The following SPATA3 variants were observed in gnomAD, a reference collection of about 807,000 sequenced individuals.
SPATA3 encodes the protein spermatogenesis-associated protein 3.
In SPATA3, 6 loss-of-function variants were observed where a neutral mutation model predicts 5.7. The observed-to-expected ratio is 1.06, with a 90% CI of 0.58 to 2.09. SPATA3 has a LOEUF of 2.09. SPATA3 is among the 30% of genes most tolerant of loss of function. The pLI is 0.00. For synonymous variants in SPATA3, 44 were observed against 48.4 expected, an observed-to-expected ratio of 0.91 and a Z score of 0.37; for missense variants, 155 against 130.4, an observed-to-expected ratio of 1.19 and a Z score of -0.92.
downstream of SPATA3, chr2:231,004,112 C>G (rs1692452286): frequency 6.6e-6 from 1 of 152,176 alleles, no homozygotes; most frequent in South Asian, 2.1e-4. Flanking sequence ...AAAGCCAAGT[C>G]CAGAAGGTAA....
At chr2:231,001,333 A>G (rs914339181) in intron 2 of SPATA3, among the ~76,000 whole-genome samples, 4 of 151,986 alleles carry the variant, frequency 2.6e-5, no homozygotes, top group African/African-American at 9.7e-5. Flanking sequence ...GGCCTCACAG[A>G]TCTCAATGGA....
intron 1 of SPATA3, 72 bp from the exon 2 acceptor site, chr2:231,000,292 CTG>C: frequency 7.5e-7 from 1 of 1,324,852 alleles, no homozygotes; most frequent in Non-Finnish European, 9.9e-7. Context: ...CCTTCTCAGA[CTG>C]TGTTCCAGAC....
At chr2:231,005,475 TCACCAC>T (rs1229154307), downstream of SPATA3, among the ~76,000 whole-genome samples, 1 of 15,670 alleles carries the variant, frequency 6.4e-5, no homozygotes, top group African/African-American at 2.5e-4. Context: ...ACCACCATCA[TCACCAC>T]CACCACCATC....
In SPATA3 at chr2:231,000,553, G is replaced by A; in HGVS notation, c.962+16G>A. On this transcript the variant is annotated intron_variant, in intron 2 of 2. Transcript: ENST00000645363. ...CCTTCTACAGGTTCCAAGCGCGAGGGGCTGGAGCCTCGGGGCACACAGTCC... is the reference window on the plus strand; with the variant it reads ...CCTTCTACAGGTTCCAAGCGCGAGGAGCTGGAGCCTCGGGGCACACAGTCC... 6.7e-7 allele frequency: 1 copy of A among 1,497,348 alleles called. No individual in the cohort carries two copies. Among genetic ancestry groups the A allele is most frequent in the East Asian group, 2.5e-5 (1 of 39,440 alleles). 92.8% of individuals were successfully genotyped at this position (1,497,348 alleles called of 1,614,324 possible). A position where few individuals can be genotyped will look rare whatever the true frequency, so the allele number is the denominator to read the frequency against.
chr2:231,000,380 G>T, exon 2 of SPATA3: 1 of 1,515,204 alleles, frequency 6.6e-7, no homozygotes, highest in Non-Finnish European at 8.9e-7. Flanking sequence ...TCTGATTCGC[G>T]CCGGCCCGCA....
rs913525450 is a variant in SPATA3 at position 230,996,161 on chromosome 2, C to T, written c.791-4205C>T. ...CCAGGCTCCTAGGGCAGAGGGCAAA[C>T]GGCCCCTCCAGGAGGGAGCCGGGAG... On this transcript the variant is annotated intron_variant, in intron 1 of 2. It adds an upstream start codon to the 5' untranslated region. Transcript: ENST00000645363. 7 of 1,450,984 alleles carry T rather than the reference C, an allele frequency of 4.8e-6. No individual in the cohort carries two copies. Among genetic ancestry groups the T allele is most frequent in the African/African-American group, 2.8e-5 (2 of 70,386 alleles). The allele number at this position is 1,450,984 out of a possible 1,614,324, so 89.9% of individuals were successfully genotyped here.
At position 230,998,255 on chromosome 2, in the gene SPATA3, G is replaced by A. The variant is rs1013391022; in HGVS notation, c.791-2111G>A. 2.0e-5 allele frequency among the ~76,000 whole-genome samples: 3 copies of A among 152,344 alleles called. No homozygotes were observed. The South Asian group carries it at 6.2e-4, about 32-fold the overall frequency. ...GAGTGCTAAATATAAGGCATGCCAT[G>A]CCAATGATCCTTCCATGGCCAGGAA... On this transcript the variant is annotated intron_variant, in intron 1 of 2. Transcript: ENST00000645363.
At chr2:230,998,525 G>A (rs147437545) in intron 1 of SPATA3, among the ~76,000 whole-genome samples, 374 of 152,300 alleles carry the variant, frequency 2.5e-3, no homozygotes, top group African/African-American at 8.0e-3. Flanking sequence ...GTGGTGGCTC[G>A]CCAGTGGTTA....
intron 2 of SPATA3, among the ~76,000 whole-genome samples, chr2:231,000,792 T>C (rs1490116606): frequency 6.6e-6 from 1 of 152,124 alleles, no homozygotes; most frequent in African/African-American, 2.4e-5. Context: ...GGATTCCTCC[T>C]CAGGGGCTTC....
At chr2:231,014,439 A>G (rs1692876133) in intron 6 of SPATA3, among the ~76,000 whole-genome samples, 1 of 152,172 alleles carries the variant, frequency 6.6e-6, no homozygotes, top group Admixed American at 6.5e-5. Context: ...AAACTGTTTT[A>G]TCTTTGCTAT....
rs777890968 is a variant in SPATA3 at position 231,000,563 on chromosome 2, T to A, written c.962+26T>A. Reference sequence around the variant, plus strand: ...GTTCCAAGCGCGAGGGGCTGGAGCCTCGGGGCACACAGTCCCCAGGGCCAG... The same window carrying A: ...GTTCCAAGCGCGAGGGGCTGGAGCCACGGGGCACACAGTCCCCAGGGCCAG... On this transcript the variant is annotated intron_variant, in intron 2 of 2. Coordinates refer to ENST00000645363, the Ensembl canonical transcript of SPATA3. 1.0e-5 allele frequency: 15 copies of A among 1,475,162 alleles called. No individual in the cohort carries two copies. In the African/African-American group the frequency reaches 1.4e-4, roughly 14 times the overall value. The allele number at this position is 1,475,162 out of a possible 1,614,324, so 91.4% of individuals were successfully genotyped here.
chr2:231,001,534 G>C (rs1248710360), intron 2 of SPATA3, among the ~76,000 whole-genome samples: 1 of 152,094 alleles, frequency 6.6e-6, no homozygotes, highest in Non-Finnish European at 1.5e-5. Flanking sequence ...GGGAGAACAC[G>C]CTTGGAGCCA....
At chr2:231,012,637 T>C (rs1344419394) in exon 5 of SPATA3, 1 of 152,178 alleles carries the variant, frequency 6.6e-6, no homozygotes, top group Non-Finnish European at 1.5e-5. Context: ...AGGTATTATG[T>C]ACAGAAGATT....
downstream of SPATA3, among the ~76,000 whole-genome samples, chr2:231,005,349 C>CCACCATCACCACCACCAT (rs1692555345): frequency 1.3e-5 from 1 of 78,000 alleles, no homozygotes; most frequent in Non-Finnish European, 2.6e-5. Context: ...ACCATCATCA[C>CCACCATCACCACCACCAT]CATCACCACC....
Position 231,002,602 on chromosome 2 carries a change from A to G in SPATA3, c.963-82A>G, listed in dbSNP as rs141221885. 332 of 806,344 alleles carry G rather than the reference A, an allele frequency of 4.1e-4. 2 individuals are homozygous for G. In the African/African-American group the frequency reaches 5.6e-3, roughly 14 times the overall value. The allele number at this position is 806,344 out of a possible 1,614,324, so 49.9% of individuals were successfully genotyped here. ...GTATTCCTGCAATCCTGAGGGGGCCACATAATTTCCACTTTCTCCTGTTCG... is the reference window on the plus strand; with the variant it reads ...GTATTCCTGCAATCCTGAGGGGGCCGCATAATTTCCACTTTCTCCTGTTCG... On this transcript the variant is annotated intron_variant, in intron 2 of 2. Transcript: ENST00000645363.
At chr2:231,014,533 CTG>C (rs976777969) in intron 6 of SPATA3, among the ~76,000 whole-genome samples, 1 of 152,158 alleles carries the variant, frequency 6.6e-6, no homozygotes, top group African/African-American at 2.4e-5. Context: ...TCCAGTAACA[CTG>C]TGTGTGTTCC....
chr2:230,997,090 C>A (rs760505632), intron 1 of SPATA3, among the ~76,000 whole-genome samples: 1 of 152,146 alleles, frequency 6.6e-6, no homozygotes, highest in African/African-American at 2.4e-5. Context: ...TCCTTATTGT[C>A]CTCAGAGATC....
chr2:231,012,815 C>T (rs1405053674), intron 5 of SPATA3: 1 of 152,140 alleles, frequency 6.6e-6, no homozygotes, highest in African/African-American at 2.4e-5. Context: ...GTTGCTTTCT[C>T]TGTGGGAACA....
At chr2:231,009,507 C>T (rs1211458046), downstream of SPATA3, among the ~76,000 whole-genome samples, 1 of 152,186 alleles carries the variant, frequency 6.6e-6, no homozygotes, top group African/African-American at 2.4e-5. Flanking sequence ...ACAAGACAGA[C>T]CACACAATAA....
Sources: allele counts gnomAD v4.1 joint callset (sites outside exome capture counted in the v4.1 genomes callset), GRCh38; gene constraint gnomAD v4.1.1; transcripts MANE v1.5; gene names NCBI Gene and HGNC (gene_info 2026-07-23, HGNC 2026-07-21).